TENM4: variants seen among roughly 807,000 people sequenced by gnomAD.
TENM4 encodes the protein teneurin transmembrane protein 4, also known as teneurin-4.
Under a neutral mutation model 243.3 loss-of-function variants are expected in TENM4, and 82 were observed. That is an observed-to-expected ratio of 0.34 (90% CI 0.28 to 0.40). The LOEUF (loss-of-function observed/expected upper bound fraction) is 0.40, where lower values mean the gene tolerates loss of function less well. TENM4 is among the 10% of genes least tolerant of loss of function. The pLI is 1.00. For synonymous variants in TENM4, 1,412 were observed against 1,456.3 expected, an observed-to-expected ratio of 0.97 and a Z score of 0.69; for missense variants, 3,138 against 3,673.3, an observed-to-expected ratio of 0.85 and a Z score of 3.77.
intron 6 of TENM4, among the ~76,000 whole-genome samples, chr11:78,911,046 G>T (rs1158689793): frequency 1.3e-5 from 2 of 152,216 alleles, no homozygotes; most frequent in Admixed American, 1.3e-4. Context: ...AGAACTTTCG[G>T]TGAACACTCA....
At chr11:78,986,714 C>T (rs1056847729) in intron 6 of TENM4, among the ~76,000 whole-genome samples, 25 of 152,182 alleles carry the variant, frequency 1.6e-4, no homozygotes, top group African/African-American at 6.0e-4. Flanking sequence ...GCTGGGAATA[C>T]AGGCATCTGC....
At position 78,653,508 on chromosome 11, in the gene TENM4, CAG is replaced by C. The variant is rs1036204903; in HGVS notation, c.*4548_*4549del. 2.0e-5 allele frequency: 3 copies of C among 152,190 alleles called. No homozygotes were observed. Among genetic ancestry groups the C allele is most frequent in the African/African-American group, 4.8e-5 (2 of 41,426 alleles). The allele number at this position is 152,190 out of a possible 1,614,324, so 9.4% of individuals were successfully genotyped here. A position where few individuals can be genotyped will look rare whatever the true frequency, so the allele number is the denominator to read the frequency against. On this transcript the variant is annotated 3_prime_UTR_variant, in exon 34 of 34. Transcript: ENST00000278550. The stretch of plus-strand genomic sequence containing the variant: ...GAAAATGATTTCCACATGGTAAGGC[CAG>C]AGTCTCCAGTGTTGGTCATCCAGAA...
intron 6 of TENM4, among the ~76,000 whole-genome samples, chr11:79,036,205 T>C (rs1320784995): frequency 2.0e-5 from 3 of 152,246 alleles, no homozygotes; most frequent in Non-Finnish European, 4.4e-5. Flanking sequence ...GTAGGTTCCC[T>C]GGAGCACTTT....
chr11:79,163,635 A>T (rs1446433891), intron 3 of TENM4, among the ~76,000 whole-genome samples: 1 of 151,830 alleles, frequency 6.6e-6, no homozygotes, highest in Non-Finnish European at 1.5e-5. Context: ...GTGAGAACAT[A>T]TGATGTCTGG....
intron 9 of TENM4, among the ~76,000 whole-genome samples, chr11:78,875,226 T>C (rs2136250848): frequency 6.6e-6 from 1 of 152,210 alleles, no homozygotes; most frequent in Non-Finnish European, 1.5e-5. Flanking sequence ...TAAGTTAGTT[T>C]CTTTCATTTT....
intron 6 of TENM4, among the ~76,000 whole-genome samples, chr11:78,949,865 G>T (rs148985850): frequency 5.9e-5 from 9 of 152,144 alleles, no homozygotes; most frequent in African/African-American, 2.2e-4. Context: ...TGGGTGCAGG[G>T]GGAGGTGGGA....
chr11:79,181,975 T>C (rs936488984), intron 3 of TENM4, among the ~76,000 whole-genome samples: 2 of 150,684 alleles, frequency 1.3e-5, no homozygotes, highest in African/African-American at 4.9e-5. Context: ...CTGTTCCACG[T>C]TTATAAACAG....
intron 3 of TENM4, among the ~76,000 whole-genome samples, chr11:79,153,569 G>T (rs968550479): frequency 5.3e-5 from 8 of 152,118 alleles, no homozygotes; most frequent in African/African-American, 1.9e-4. Context: ...CCAAGTATCT[G>T]CCCAAACACC....
intron 4 of TENM4, among the ~76,000 whole-genome samples, chr11:79,089,664 C>T (rs1860899801): frequency 6.6e-6 from 1 of 151,972 alleles, no homozygotes; most frequent in Non-Finnish European, 1.5e-5. Context: ...AATGTTTGGC[C>T]CACAGACTAG....
At chr11:79,345,108 C>T (rs1440764005) in intron 1 of TENM4, among the ~76,000 whole-genome samples, 2 of 152,216 alleles carry the variant, frequency 1.3e-5, no homozygotes, top group Non-Finnish European at 2.9e-5. Context: ...ACAAGATACT[C>T]AGCGGATGCT....
At chr11:79,070,370 C>T (rs1275786834) in intron 4 of TENM4, among the ~76,000 whole-genome samples, 1 of 152,160 alleles carries the variant, frequency 6.6e-6, no homozygotes, top group Non-Finnish European at 1.5e-5. Flanking sequence ...AGGGCCTGAC[C>T]CAGCTCTGGC....
At chr11:78,776,906 A>T (rs1856750758) in intron 17 of TENM4, among the ~76,000 whole-genome samples, 1 of 152,170 alleles carries the variant, frequency 6.6e-6, no homozygotes, top group South Asian at 2.1e-4. Context: ...GACAGAAGAT[A>T]GAATGCTGAA....
intron 1 of TENM4, among the ~76,000 whole-genome samples, chr11:79,301,201 C>T (rs1856544621): frequency 6.6e-6 from 1 of 152,216 alleles, no homozygotes; most frequent in Non-Finnish European, 1.5e-5. Flanking sequence ...CTGACACTTT[C>T]CTATTCTACT....
rs532746172 is a variant in TENM4, at chr11:78,850,397, T to A, written c.1681+3707A>T. On this transcript the variant is annotated intron_variant, in intron 12 of 33. Coordinates refer to ENST00000278550, the MANE Select transcript of TENM4 (RefSeq NM_001098816.3). ...ACATATAATGAAGGAAGGGTCAGAT[T>A]CCAATTTGTGTGTTAAGCAAACCCG... is the stretch of plus-strand genomic sequence containing the variant. Among the ~76,000 whole-genome samples the A allele has an allele frequency of 2.6e-5, 4 of 152,314 alleles. No homozygotes were observed. In the South Asian group the frequency reaches 8.3e-4, roughly 32 times the overall value.
chr11:78,854,117 G>A lies in TENM4; in HGVS notation c.1668C>T (p.Leu556=). 4 of 1,551,564 alleles carry A rather than the reference G, an allele frequency of 2.6e-6. No individual in the cohort carries two copies. The highest frequency in any genetic ancestry group is 3.5e-6 in the Non-Finnish European group (4 of 1,146,888). Residue 556 remains leucine (L), a synonymous_variant, in exon 12 of 34, where the codon CTC becomes CTT. Coordinates refer to ENST00000278550, the MANE Select transcript of TENM4 (RefSeq NM_001098816.3). ...DGKESEVVSF[L]TTAIESVDNC... ...TGGCTCCCTTACCAATGGCAGTGGT[G>A]AGAAAGGAAACCACTTCTGACTCCT...
intron 12 of TENM4, among the ~76,000 whole-genome samples, chr11:78,848,095 C>G (rs1858444290): frequency 8.8e-6 from 1 of 113,620 alleles, no homozygotes; most frequent in Admixed American, 7.8e-5. Flanking sequence ...TGAAAAACAC[C>G]ACTGAACATC....
At chr11:78,937,099 G>T (rs535225268) in intron 6 of TENM4, among the ~76,000 whole-genome samples, 2 of 152,214 alleles carry the variant, frequency 1.3e-5, no homozygotes, top group Middle Eastern at 3.4e-3. Context: ...TGATGTTATT[G>T]TTTCTTTGCT....
chr11:79,085,608 A>G (rs1860792742), intron 4 of TENM4, among the ~76,000 whole-genome samples: 1 of 152,172 alleles, frequency 6.6e-6, no homozygotes, highest in Non-Finnish European at 1.5e-5. Context: ...TTGGCACTTA[A>G]TAAAGACTCA....
chr11:79,400,037 T>G (rs548545439), intron 1 of TENM4, among the ~76,000 whole-genome samples: 1 of 151,798 alleles, frequency 6.6e-6, no homozygotes, highest in African/African-American at 2.4e-5. Flanking sequence ...CTAGAATAAA[T>G]ATTTGTTGAT....
Sources: gnomAD v4.1 joint callset for allele counts (sites outside exome capture counted in the v4.1 genomes callset) on GRCh38, gnomAD v4.1.1 for gene constraint, MANE v1.5 for transcripts, NCBI Gene and HGNC (gene_info 2026-07-23, HGNC 2026-07-21) for gene names.